PCDH11X: variants seen among roughly 807,000 people sequenced by gnomAD.
PCDH11X encodes the protein protocadherin-11 X-linked.
A neutral mutation model predicts 53.3 loss-of-function variants in PCDH11X; 18 were observed. That is an observed-to-expected ratio of 0.34 (90% CI 0.23 to 0.50). The LOEUF is 0.50. PCDH11X is among the 20% of genes least tolerant of loss of function. PCDH11X has a pLI of 0.98. For synonymous variants in PCDH11X, 279 were observed against 393.3 expected, an observed-to-expected ratio of 0.71 and a Z score of 3.44; for missense variants, 570 against 1,032.4, an observed-to-expected ratio of 0.55 and a Z score of 6.14.
intron 4 of PCDH11X, among the ~76,000 whole-genome samples, chrX:91,826,347 A>C (rs1936925754): frequency 9.0e-6 from 1 of 111,355 alleles, no homozygotes; most frequent in Admixed American, 9.6e-5. Context: ...ACCAGGCTGA[A>C]CCCAGTACAT....
At chrX:92,054,838 A>G (rs2063423647) in intron 6 of PCDH11X, among the ~76,000 whole-genome samples, 1 of 107,166 alleles carries the variant, frequency 9.3e-6, no homozygotes, top group Non-Finnish European at 1.9e-5. Flanking sequence ...AAAAAAAAAA[A>G]AAAAAAGAAA....
chrX:92,092,274 A>G (rs1304688253), intron 6 of PCDH11X, among the ~76,000 whole-genome samples: 1 of 111,689 alleles, frequency 9.0e-6, no homozygotes, highest in Admixed American at 9.6e-5. Flanking sequence ...TCAGAACTTT[A>G]CAAGGTAATA....
intron 5 of PCDH11X, among the ~76,000 whole-genome samples, chrX:91,845,766 A>G (rs1176442469): frequency 1.8e-5 from 2 of 111,092 alleles, no homozygotes; most frequent in East Asian, 5.7e-4. Context: ...TTTAAGATCA[A>G]TTACCTAACT....
At chrX:92,617,293 T>G (rs1211001374) in intron 10 of PCDH11X, among the ~76,000 whole-genome samples, 1 of 111,929 alleles carries the variant, frequency 8.9e-6, no homozygotes, top group African/African-American at 3.2e-5. Context: ...TCTATGCATT[T>G]ACTGATTTTC....
At chrX:92,221,919 C>T (rs902468735) in intron 7 of PCDH11X, among the ~76,000 whole-genome samples, 6 of 110,371 alleles carry the variant, frequency 5.4e-5, no homozygotes, top group Admixed American at 9.7e-5. Flanking sequence ...CTGCAATCTC[C>T]GCCTCCTGGG....
At chrX:92,012,109 A>G (rs2062701959) in intron 6 of PCDH11X, among the ~76,000 whole-genome samples, 1 of 110,734 alleles carries the variant, frequency 9.0e-6, no homozygotes, top group Non-Finnish European at 1.9e-5. Context: ...CTTTAAAAAC[A>G]TTAGACACAA....
At chrX:92,515,121 T>C (rs1361319549) in intron 10 of PCDH11X, among the ~76,000 whole-genome samples, 8 of 107,442 alleles carry the variant, frequency 7.4e-5, no homozygotes, top group Non-Finnish European at 1.5e-4. Context: ...GTCATATGTA[T>C]TGATTTATCT....
intron 4 of PCDH11X, among the ~76,000 whole-genome samples, chrX:91,829,726 A>C (rs893175077): frequency 1.8e-5 from 2 of 111,537 alleles, no homozygotes; most frequent in Admixed American, 1.9e-4. Flanking sequence ...ATGTGAAATT[A>C]ATGCCTATTT....
chrX:92,281,213 G>C (rs2068244989), intron 8 of PCDH11X, among the ~76,000 whole-genome samples: 1 of 111,644 alleles, frequency 9.0e-6, no homozygotes, highest in South Asian at 3.7e-4. Context: ...AGGTCATATT[G>C]AATCATTTTT....
At chrX:92,223,085 A>C (rs1377271306) in intron 7 of PCDH11X, among the ~76,000 whole-genome samples, 3 of 112,375 alleles carry the variant, frequency 2.7e-5, no homozygotes, top group Non-Finnish European at 5.6e-5. Context: ...TCCTGGGCTC[A>C]AGTGATCCTG....
chrX:92,500,660 GT>G (rs1408633319), intron 10 of PCDH11X, among the ~76,000 whole-genome samples: 6 of 107,451 alleles, frequency 5.6e-5, no homozygotes, highest in African/African-American at 2.0e-4. Flanking sequence ...AAATCAATAA[GT>G]TTTTTTAAAG....
intron 6 of PCDH11X, among the ~76,000 whole-genome samples, chrX:91,892,972 A>G (rs1940576222): frequency 9.1e-6 from 1 of 110,255 alleles, no homozygotes; most frequent in Non-Finnish European, 1.9e-5. Flanking sequence ...TTTTAATACC[A>G]GAGAGTATAT....
chrX:92,538,377 T>G (rs1426335567), intron 10 of PCDH11X, among the ~76,000 whole-genome samples: 2 of 109,050 alleles, frequency 1.8e-5, no homozygotes, highest in Non-Finnish European at 1.9e-5. Flanking sequence ...TTGTTATTAT[T>G]GACAACTAGA....
intron 7 of PCDH11X, among the ~76,000 whole-genome samples, chrX:92,235,492 A>T (rs1189572091): frequency 9.0e-6 from 1 of 111,602 alleles, no homozygotes; most frequent in Non-Finnish European, 1.9e-5. Flanking sequence ...CTTTTAACAC[A>T]GGTGTTCCAA....
At chrX:92,290,040 G>T (rs2068460789) in intron 8 of PCDH11X, among the ~76,000 whole-genome samples, 1 of 111,490 alleles carries the variant, frequency 9.0e-6, no homozygotes, top group South Asian at 3.7e-4. Flanking sequence ...ATTTAAAATT[G>T]TTAATTATAG....
At chrX:91,950,619 T>C (rs1174549839) in intron 6 of PCDH11X, among the ~76,000 whole-genome samples, 2 of 91,152 alleles carry the variant, frequency 2.2e-5, no homozygotes, top group African/African-American at 9.6e-5. Flanking sequence ...CACACACACA[T>C]ATATATCACA....
At chrX:92,387,536 T>C in intron 8 of PCDH11X, 199 bp from the exon 9 acceptor site, 1 of 551,953 alleles carries the variant, frequency 1.8e-6, no homozygotes. Context: ...CGAAATATAA[T>C]GGAAGCAACA....
chrX:92,356,337 C>A (rs1014535557), intron 8 of PCDH11X, among the ~76,000 whole-genome samples: 2 of 105,987 alleles, frequency 1.9e-5, no homozygotes, highest in Non-Finnish European at 3.9e-5. Context: ...GAAATAATAC[C>A]AAATTTAGCT....
At chrX:92,439,120 A>AT (rs200554628) in intron 9 of PCDH11X, among the ~76,000 whole-genome samples, 2,952 of 109,693 alleles carry the variant, frequency 0.027, 104 homozygotes, top group African/African-American at 0.094. Context: ...GTAACCCAGA[A>AT]TTCATTTGGG....
Sources: gnomAD v4.1 joint callset for allele counts (sites outside exome capture counted in the v4.1 genomes callset) on GRCh38, gnomAD v4.1.1 for gene constraint, MANE v1.5 for transcripts, NCBI Gene and HGNC (gene_info 2026-07-23, HGNC 2026-07-21) for gene names.